The following TMC8 variants were observed in gnomAD, a reference collection of about 807,000 sequenced individuals.
TMC8 encodes transmembrane channel like 8, also known as transmembrane channel-like protein 8.
Under a neutral mutation model 76.0 loss-of-function variants are expected in TMC8, and 71 were observed. The observed-to-expected ratio is 0.93, with a 90% CI of 0.77 to 1.14. The LOEUF is 1.14. Among genes scored for constraint, TMC8 ranks in the 50% most tolerant of loss-of-function variants. The probability of loss-of-function intolerance (pLI) is 0.00; values close to 1 mark genes in which losing one functional copy is unlikely to be tolerated. For synonymous variants in TMC8, 433 were observed against 433.8 expected, an observed-to-expected ratio of 1.00 and a Z score of 0.02; for missense variants, 924 against 947.9, an observed-to-expected ratio of 0.97 and a Z score of 0.33.
At chr17:78,137,570 C>A in intron 10 of TMC8, 147 bp from the exon 11 acceptor site, 1 of 1,119,296 alleles carries the variant, frequency 8.9e-7, no homozygotes. Flanking sequence ...TGCTCTAATC[C>A]CATCCTCAAG....
rs763339692 is a variant in TMC8, at chr17:78,137,954, C to A, written c.1350-51C>A. ...CAGGCTGTGGCCATGACCAATACAG[C>A]CCACGCATCTGTCTGGAGTGGTGAG... On this transcript the variant is annotated intron_variant, in intron 11 of 15. Coordinates refer to ENST00000318430, the MANE Select transcript of TMC8 (RefSeq NM_152468.5). 6.8e-6 allele frequency: 11 copies of A among 1,609,230 alleles called. No individual in the cohort carries two copies. The African/African-American group carries it at 1.5e-4, about 21-fold the overall frequency.
intron 15 of TMC8, among the ~76,000 whole-genome samples, chr17:78,140,217 C>G (rs963836811): frequency 1.7e-4 from 26 of 151,674 alleles, no homozygotes; most frequent in African/African-American, 5.6e-4. Context: ...ACAGCTATTC[C>G]GGAGGCTGAG....
chr17:78,132,542 G>A (rs1265156157), intron 4 of TMC8, 34 bp downstream of exon 4: 19 of 1,595,002 alleles, frequency 1.2e-5, no homozygotes, highest in Non-Finnish European at 1.5e-5. Flanking sequence ...AAGTGCTCCG[G>A]TGCCCACCTG....
In TMC8 at chr17:78,131,289, A is replaced by AC. The variant is rs974569952; in HGVS notation, c.-299dup. The AC allele has an allele frequency of 3.8e-6, 2 of 531,690 alleles. No individual in the cohort carries two copies. The highest frequency in any genetic ancestry group is 3.9e-5 in the African/African-American group (2 of 51,904). 32.9% of individuals were successfully genotyped at this position (531,690 alleles called of 1,614,324 possible). A position where few individuals can be genotyped will look rare whatever the true frequency, so the allele number is the denominator to read the frequency against. On this transcript the variant is annotated 5_prime_UTR_variant, in exon 2 of 16. It introduces an in-frame stop codon into an upstream open reading frame of the 5' UTR. Transcript: ENST00000318430. ...TTCACCCCATTTGACAGATGGGGAG[A>AC]CTGAGGCCGTGGCTGTGTGTCCCTC... is the stretch of plus-strand genomic sequence containing the variant.
chr17:78,135,984 A>G (rs11658268), intron 9 of TMC8, among the ~76,000 whole-genome samples: 22,824 of 152,136 alleles, frequency 0.15, 1,847 homozygotes, highest in Middle Eastern at 0.3. Flanking sequence ...AACCCAGGAG[A>G]CAGATGTTGC....
Position 78,141,132 on chromosome 17 carries a change from G to A in TMC8, c.*20G>A, listed in dbSNP as rs567776244. ...CTGTAACCCCTACCCCTGCCTCCCCGAAGCCTCCCTGGGGCCCCTTCAGGC... is the reference window on the plus strand; with the variant it reads ...CTGTAACCCCTACCCCTGCCTCCCCAAAGCCTCCCTGGGGCCCCTTCAGGC... On this transcript the variant is annotated 3_prime_UTR_variant, in exon 16 of 16. Coordinates refer to ENST00000318430, the MANE Select transcript of TMC8 (RefSeq NM_152468.5). 7 of 1,532,946 alleles carry A rather than the reference G, an allele frequency of 4.6e-6. No homozygotes were observed. Among genetic ancestry groups the A allele is most frequent in the East Asian group, 2.3e-5 (1 of 43,748 alleles). 95.0% of individuals were successfully genotyped at this position (1,532,946 alleles called of 1,614,324 possible). A position where few individuals can be genotyped will look rare whatever the true frequency, so the allele number is the denominator to read the frequency against.
At chr17:78,132,893 A>G (rs377532075) in intron 5 of TMC8, 23 bp downstream of exon 5, 35 of 1,613,218 alleles carry the variant, frequency 2.2e-5, no homozygotes, top group Non-Finnish European at 2.8e-5. Flanking sequence ...TGTCCCGGCT[A>G]TGGTCCAGAG....
In TMC8 at chr17:78,138,060, T is replaced by C. The variant is rs1371007530; in HGVS notation, c.1405T>C (p.Phe469Leu). The C allele has an allele frequency of 3.1e-6, 5 of 1,612,696 alleles. No homozygotes were observed. The highest frequency in any genetic ancestry group is 1.3e-5 in the African/African-American group (1 of 74,462). Residue 469 changes from phenylalanine (F) to leucine (L), a missense_variant, in exon 12 of 16, where the codon TTC becomes CTC. Coordinates refer to ENST00000318430, the MANE Select transcript of TMC8 (RefSeq NM_152468.5). ...RFWAWLEREE[F>L]LVPKNVLDIV... is the part of the protein sequence containing the mutation. ...CTGGGCCTGGCTGGAACGGGAGGAG[T>C]TCCTGGTCCCCAAGAATGTGCTGGA...
rs374725932 is a variant in TMC8 at position 78,133,465 on chromosome 17, C to T, written c.591C>T (p.Ser197=). The T allele has an allele frequency of 3.9e-5, 63 of 1,613,628 alleles. 1 individual carries two copies. Among genetic ancestry groups the T allele is most frequent in the South Asian group, 8.8e-5 (8 of 91,090 alleles). The change falls in exon 6 of 16, where the codon TCC becomes TCT. Residue 197 remains serine, a synonymous_variant. Transcript: ENST00000318430. ...GAYRVGPESS[S]VYSIRLAYLL... is the part of the protein sequence containing the mutation. ...ACCGAGTGGGGCCGGAGAGCAGCTC[C>T]GTGTACAGCATCCGCCTGGCCTACC...
At chr17:78,136,832 C>A (rs1051136931) in intron 9 of TMC8, 3 of 336,436 alleles carry the variant, frequency 8.9e-6, no homozygotes, top group East Asian at 1.6e-4. Context: ...GAGGCCAAGG[C>A]GGGTGGATCA....
Position 78,138,513 on chromosome 17 carries a change from G to A in TMC8, c.1664+34G>A, listed in dbSNP as rs1225990046. On this transcript the variant is annotated intron_variant, in intron 13 of 15. Coordinates refer to ENST00000318430, the MANE Select transcript of TMC8 (RefSeq NM_152468.5). ...AAGAGGAGGGGGGCACCCAGAGGCTGGCAGGGGCAGTTTCTCACCCAGGAC... is the reference window on the plus strand; with the variant it reads ...AAGAGGAGGGGGGCACCCAGAGGCTAGCAGGGGCAGTTTCTCACCCAGGAC... 6 of 1,613,438 alleles carry A rather than the reference G, an allele frequency of 3.7e-6. No individual in the cohort carries two copies. The African/African-American group carries it at 5.3e-5, about 14-fold the overall frequency.
rs750054783 is a variant in TMC8, at chr17:78,137,274, C to T, written c.1167C>T (p.Ser389=). 3.0e-5 allele frequency: 48 copies of T among 1,613,842 alleles called. 1 individual carries two copies. The Middle Eastern group carries it at 9.9e-4, about 33-fold the overall frequency. ...VLKLASLGMF[S]VSLGQTILCI... ...AGCTGGCCAGCTTGGGGATGTTCTC[C>T]GTCTCCCTGGGTCAGACCATACTGT... Residue 389 remains serine, a synonymous_variant, in exon 10 of 16, where the codon TCC becomes TCT. Transcript: ENST00000318430.
intron 10 of TMC8, 171 bp from the exon 11 acceptor site, chr17:78,137,546 G>T (rs2075266179): frequency 1.3e-5 from 15 of 1,175,828 alleles, no homozygotes; most frequent in Non-Finnish European, 1.9e-5. Context: ...GGCTGCCCTG[G>T]CTGTGGGGCT....
intron 9 of TMC8, among the ~76,000 whole-genome samples, chr17:78,135,268 C>T (rs1039602977): frequency 6.6e-6 from 1 of 152,190 alleles, no homozygotes; most frequent in South Asian, 2.1e-4. Flanking sequence ...GGGACTGTGG[C>T]CAGGGGTGCT....
At chr17:78,133,646 G>A in intron 6 of TMC8, 104 bp downstream of exon 6, 1 of 1,577,244 alleles carries the variant, frequency 6.3e-7, no homozygotes, top group Non-Finnish European at 8.6e-7. Context: ...CCATGGCCCG[G>A]CACAGCAGGC....
Position 78,131,689 on chromosome 17 carries a change from C to T in TMC8, c.101C>T (p.Thr34Met). 6.3e-7 allele frequency: 1 copy of T among 1,577,372 alleles called. No homozygotes were observed. Among genetic ancestry groups the T allele is most frequent in the Non-Finnish European group, 8.6e-7 (1 of 1,163,406 alleles). The change falls in exon 2 of 16, where the codon ACG becomes ATG. Residue 34 changes from threonine (T) to methionine (M), a missense_variant. Physicochemically the swap from Thr to Met is moderately conservative, Grantham distance 81. Coordinates refer to ENST00000318430, the MANE Select transcript of TMC8 (RefSeq NM_152468.5). Reference protein sequence around the residue: ...AEMERLRGSGTPVRGLPYAMM... With the variant: ...AEMERLRGSGMPVRGLPYAMM... ...ATGGAGCGGCTGCGCGGCTCTGGGACGCCCGTGCGCGGGCTGCCCTATGCC... is the reference window on the plus strand; with the variant it reads ...ATGGAGCGGCTGCGCGGCTCTGGGATGCCCGTGCGCGGGCTGCCCTATGCC...
At position 78,137,232 on chromosome 17, in the gene TMC8, C is replaced by T. The variant is rs753333357; in HGVS notation, c.1128-3C>T. 1.2e-6 allele frequency: 2 copies of T among 1,613,696 alleles called. No homozygotes were observed. The highest frequency in any genetic ancestry group is 2.2e-5 in the South Asian group (2 of 91,070). ...CTCCACCTGACAAGGTCCCTGCCCCCAGGTGCGTGGTGCTGAAGCTGGCCA... is the reference window on the plus strand; with the variant it reads ...CTCCACCTGACAAGGTCCCTGCCCCTAGGTGCGTGGTGCTGAAGCTGGCCA... On this transcript the variant is annotated splice_region_variant and splice_polypyrimidine_tract_variant and intron_variant, in intron 9 of 15. Transcript: ENST00000318430.
Position 78,131,520 on chromosome 17 carries a change from A to C in TMC8, c.-69A>C, listed in dbSNP as rs2074964173. On this transcript the variant is annotated 5_prime_UTR_variant, in exon 2 of 16. Transcript: ENST00000318430. The stretch of plus-strand genomic sequence containing the variant: ...GGCCATAGCCAAGGCCTTAAGGCTC[A>C]TCCAACCGGGGACTCATATCCCCCC... 1 of 1,532,248 alleles carries C rather than the reference A, an allele frequency of 6.5e-7. No individual in the cohort carries two copies. 94.9% of individuals were successfully genotyped at this position (1,532,248 alleles called of 1,614,324 possible).
chr17:78,138,012 G>GA lies in TMC8; in HGVS notation c.1357_1358insA (p.Val453AspfsTer48). The GA allele has an allele frequency of 1.2e-6, 2 of 1,613,918 alleles. No homozygotes were observed. Among genetic ancestry groups the GA allele is most frequent in the Non-Finnish European group, 1.7e-6 (2 of 1,180,016 alleles). On this transcript the variant is annotated frameshift_variant, in exon 12 of 16. Coordinates refer to ENST00000318430, the MANE Select transcript of TMC8 (RefSeq NM_152468.5). LOFTEE classifies it high-confidence loss of function. ...ACCCTCCCATCCCTGCAGGCTGCTG[G>GA]TGGACCGGTTCTCAGGCCGGTTCTG...
Sources: gnomAD v4.1 joint callset for allele counts (sites outside exome capture counted in the v4.1 genomes callset) on GRCh38, gnomAD v4.1.1 for gene constraint, MANE v1.5 for transcripts, NCBI Gene and HGNC (gene_info 2026-07-23, HGNC 2026-07-21) for gene names.